The following SUGCT variants were observed in gnomAD, a reference collection of about 807,000 sequenced individuals.
SUGCT encodes the protein succinyl-CoA:glutarate-CoA transferase.
In SUGCT, 41 loss-of-function variants were observed where a neutral mutation model predicts 55.0. The observed-to-expected ratio is 0.74, with a 90% confidence interval of 0.58 to 0.97. The LOEUF (loss-of-function observed/expected upper bound fraction) is 0.97, where lower values mean the gene tolerates loss of function less well. Among genes scored for constraint, SUGCT ranks in the 50% least tolerant of loss-of-function variants. The pLI is 0.00. For missense variants in SUGCT, 568 were observed against 547.8 expected (o/e 1.04, Z -0.37); for synonymous variants, 187 against 200.4 (o/e 0.93, Z 0.56).
intron 6 of SUGCT, among the ~76,000 whole-genome samples, chr7:40,205,204 G>A (rs531340653): frequency 2.7e-5 from 4 of 150,188 alleles, no homozygotes; most frequent in East Asian, 2.0e-4. Context: ...GCAGTGAGCC[G>A]AGATTGCACC....
chr7:40,891,000 T>C, the SUGCT span, among the ~76,000 whole-genome samples: 1 of 152,020 alleles, frequency 6.6e-6, no homozygotes, highest in Non-Finnish European at 1.5e-5. Flanking sequence ...TTCTAGAATT[T>C]AAGAGCATAA....
intron 7 of SUGCT, among the ~76,000 whole-genome samples, chr7:40,260,090 A>T (rs1021173470): frequency 2.6e-5 from 4 of 152,118 alleles, no homozygotes; most frequent in Non-Finnish European, 5.9e-5. Context: ...CTGAATCTGA[A>T]TTTTTCTTGC....
At chr7:40,671,224 A>C (rs530311541) in intron 12 of SUGCT, among the ~76,000 whole-genome samples, 18 of 152,358 alleles carry the variant, frequency 1.2e-4, no homozygotes, top group African/African-American at 4.1e-4. Context: ...CCATCATATT[A>C]ACAGGCTAAA....
intron 12 of SUGCT, among the ~76,000 whole-genome samples, chr7:40,603,866 A>C (rs1798406770): frequency 1.3e-5 from 2 of 152,190 alleles, no homozygotes; most frequent in East Asian, 3.8e-4. Flanking sequence ...CCAACATGCA[A>C]ATCTGCTCAT....
chr7:40,586,182 C>A (rs1200921862), intron 12 of SUGCT, among the ~76,000 whole-genome samples: 2 of 152,054 alleles, frequency 1.3e-5, no homozygotes, highest in African/African-American at 2.4e-5. Context: ...TTTTCCTGTT[C>A]TATATAGAAT....
the SUGCT span, among the ~76,000 whole-genome samples, chr7:40,917,215 G>A: frequency 1.3e-5 from 2 of 152,094 alleles, no homozygotes. Context: ...AACTTTTTTT[G>A]TATCTTCGAC....
chr7:40,997,356 C>A, the SUGCT span, among the ~76,000 whole-genome samples: 2 of 152,186 alleles, frequency 1.3e-5, no homozygotes, highest in African/African-American at 4.8e-5. Context: ...CCGCCCTCAA[C>A]ATGTTCTCTA....
intron 6 of SUGCT, among the ~76,000 whole-genome samples, chr7:40,234,242 CT>C (rs1240019235): frequency 6.6e-6 from 1 of 152,164 alleles, no homozygotes. Context: ...TGTTGACTTC[CT>C]GCTGAGATAA....
the SUGCT span, among the ~76,000 whole-genome samples, chr7:41,004,415 C>T: frequency 1.3e-5 from 2 of 152,200 alleles, no homozygotes; most frequent in African/African-American, 4.8e-5. Context: ...ATTTTTTGAG[C>T]AATCCTAAGC....
chr7:41,008,804 G>T, the SUGCT span, among the ~76,000 whole-genome samples: 1 of 151,964 alleles, frequency 6.6e-6, no homozygotes, highest in African/African-American at 2.4e-5. Context: ...CTCTTGACTG[G>T]GGAGGACCTG....
At chr7:40,238,055 C>A (rs1373627328) in intron 7 of SUGCT, among the ~76,000 whole-genome samples, 1 of 152,122 alleles carries the variant, frequency 6.6e-6, no homozygotes, top group African/African-American at 2.4e-5. Flanking sequence ...AATATAGGCA[C>A]CTTTGTGTGA....
intron 12 of SUGCT, among the ~76,000 whole-genome samples, chr7:40,524,392 T>C (rs958219083): frequency 1.7e-4 from 26 of 152,182 alleles, no homozygotes; most frequent in African/African-American, 6.0e-4. Flanking sequence ...CTTTTAGTCC[T>C]AAGTGATTTC....
chr7:40,743,078 T>C (rs1237594460), intron 12 of SUGCT, among the ~76,000 whole-genome samples: 1 of 152,178 alleles, frequency 6.6e-6, no homozygotes, highest in African/African-American at 2.4e-5. Context: ...CTTTCCTTTA[T>C]CGATAATGAC....
intron 6 of SUGCT, among the ~76,000 whole-genome samples, chr7:40,234,981 G>A (rs1788930471): frequency 6.6e-6 from 1 of 151,868 alleles, no homozygotes; most frequent in African/African-American, 2.4e-5. Context: ...AGTTCTAATT[G>A]AAAGATAGGC....
At chr7:40,697,229 A>T (rs1206777745) in intron 12 of SUGCT, among the ~76,000 whole-genome samples, 1 of 151,904 alleles carries the variant, frequency 6.6e-6, no homozygotes, top group Non-Finnish European at 1.5e-5. Context: ...GATCTCTATG[A>T]CTCTTTTCTG....
At chr7:40,489,874 TTGTGTTTTGATGCC>T (rs1196382973) in intron 11 of SUGCT, among the ~76,000 whole-genome samples, 1 of 152,198 alleles carries the variant, frequency 6.6e-6, no homozygotes, top group African/African-American at 2.4e-5. Context: ...ATCCTTGTGG[TTGTGTTTTGATGCC>T]TGTGAATTGA....
chr7:40,189,518 A>G (rs1785764708), intron 4 of SUGCT, 26 bp from the exon 5 acceptor site: 5 of 840,920 alleles, frequency 5.9e-6, no homozygotes, highest in Non-Finnish European at 6.4e-6. Flanking sequence ...GAAATAATAT[A>G]TATATATATA....
At chr7:40,595,065 C>T (rs530211925) in intron 12 of SUGCT, among the ~76,000 whole-genome samples, 1 of 152,116 alleles carries the variant, frequency 6.6e-6, no homozygotes, top group African/African-American at 2.4e-5. Context: ...AAATAATTCT[C>T]TGTATATTTA....
At chr7:40,189,692 A>G in intron 5 of SUGCT, 98 bp downstream of exon 5, 1 of 500,276 alleles carries the variant, frequency 2.0e-6, no homozygotes, top group South Asian at 4.1e-5. Flanking sequence ...TTTATGGGTG[A>G]TCTGTACGTT....
Sources: gnomAD v4.1 joint callset for allele counts (sites outside exome capture counted in the v4.1 genomes callset) on GRCh38, gnomAD v4.1.1 for gene constraint, MANE v1.5 for transcripts, NCBI Gene and HGNC (gene_info 2026-07-23, HGNC 2026-07-21) for gene names.